CFAP77: variants seen among roughly 807,000 people sequenced by gnomAD.
CFAP77 encodes the protein cilia- and flagella-associated protein 77.
Under a neutral mutation model 31.1 loss-of-function variants are expected in CFAP77, and 25 were observed. That is an observed-to-expected ratio of 0.80 (90% CI 0.59 to 1.12). CFAP77 has a LOEUF of 1.12. CFAP77 is among the 50% of genes most tolerant of loss of function. The pLI is 0.00. For synonymous variants in CFAP77, 151 were observed against 159.9 expected (o/e 0.94, Z 0.42); for missense variants, 377 against 397.3 (o/e 0.95, Z 0.44).
rs927610859 is a variant in CFAP77, at chr9:132,545,819, G to A, written c.732+2772G>A. Among the ~76,000 whole-genome samples the A allele has an allele frequency of 1.3e-5, 2 of 152,200 alleles. No homozygotes were observed. Among genetic ancestry groups the A allele is most frequent in the Non-Finnish European group, 2.9e-5 (2 of 68,030 alleles). ...AAACTGAGGCTTGGAGAGGTGAGAA[G>A]TGGAGTCTGGGTCCAATCTGGGGTT... On this transcript the variant is annotated intron_variant, in intron 5 of 5. Coordinates refer to ENST00000393216, the MANE Select transcript of CFAP77 (RefSeq NM_001282957.2). This position sits in a 1 kb window ranked among gnomAD's most constrained non-coding sequence, Gnocchi z 4.6.
chr9:132,535,862 T>A (rs191803447), intron 3 of CFAP77, among the ~76,000 whole-genome samples: 1 of 152,280 alleles, frequency 6.6e-6, no homozygotes, highest in East Asian at 1.9e-4. Flanking sequence ...AATTTTTTCA[T>A]AATTAGCAAA....
chr9:132,551,861 G>A (rs1270159818), intron 5 of CFAP77, among the ~76,000 whole-genome samples: 1 of 152,194 alleles, frequency 6.6e-6, no homozygotes, highest in Non-Finnish European at 1.5e-5. Context: ...GCTAAATGCG[G>A]GCCCGGGAAG....
chr9:132,510,070 C>T (rs1020559382), intron 3 of CFAP77, among the ~76,000 whole-genome samples: 1 of 152,176 alleles, frequency 6.6e-6, no homozygotes, highest in Non-Finnish European at 1.5e-5. Context: ...TCGCGGCATC[C>T]CAAGCAGGGA....
chr9:132,482,356 C>A (rs765079710), intron 1 of CFAP77: 2 of 1,614,008 alleles, frequency 1.2e-6, no homozygotes. Flanking sequence ...GTTTATGACT[C>A]CTCAGCGGTG....
chr9:132,478,067 G>A (rs1458931474), intron 1 of CFAP77, among the ~76,000 whole-genome samples: 2 of 152,078 alleles, frequency 1.3e-5, no homozygotes, highest in East Asian at 3.8e-4. Context: ...AGGTGATATG[G>A]TTTGGCTCTG....
intron 1 of CFAP77, among the ~76,000 whole-genome samples, chr9:132,434,003 G>A (rs988505891): frequency 4.0e-5 from 6 of 151,298 alleles, no homozygotes. Context: ...GCTGGGCATG[G>A]TGGCATGTGC....
chr9:132,435,512 T>C (rs1850490230), intron 1 of CFAP77, among the ~76,000 whole-genome samples: 1 of 151,878 alleles, frequency 6.6e-6, no homozygotes, highest in Admixed American at 6.6e-5. Context: ...TAAATAAAAG[T>C]GAAGGAATCT....
Position 132,499,640 on chromosome 9 carries a change from G to A in CFAP77, c.524+40G>A, listed in dbSNP as rs202047379. The A allele has an allele frequency of 4.4e-6, 7 of 1,583,366 alleles. No homozygotes were observed. In the East Asian group the frequency reaches 6.7e-5, roughly 15 times the overall value. On this transcript the variant is annotated intron_variant, in intron 3 of 5. Coordinates refer to ENST00000393216, the MANE Select transcript of CFAP77 (RefSeq NM_001282957.2). This position sits in a 1 kb window ranked among gnomAD's most constrained non-coding sequence, Gnocchi z 5.4. ...AGCCAGGGCTTCATCCCTTGAGGGG[G>A]TGGAGGTACCAGCTCAATCAGGGAC...
chr9:132,560,180 T>C (rs1852970669), intron 5 of CFAP77, among the ~76,000 whole-genome samples: 1 of 152,202 alleles, frequency 6.6e-6, no homozygotes, highest in African/African-American at 2.4e-5. Context: ...ATAAAGCTGT[T>C]TTTAAAAAGA....
chr9:132,460,726 A>G (rs1236419323), intron 1 of CFAP77, among the ~76,000 whole-genome samples: 5 of 152,078 alleles, frequency 3.3e-5, no homozygotes, highest in African/African-American at 1.2e-4. Context: ...AATCTACTCA[A>G]TACCACTGGA....
chr9:132,563,596 A>G (rs1292858706), intron 5 of CFAP77, among the ~76,000 whole-genome samples: 1 of 152,198 alleles, frequency 6.6e-6, no homozygotes, highest in Non-Finnish European at 1.5e-5. Context: ...TTCCTCATGC[A>G]CATCTCTTAG....
Position 132,497,445 on chromosome 9 carries a change from C to CGCCTGTGGCCTGTG in CFAP77, c.196-1234_196-1221dup, listed in dbSNP as rs540192360. On this transcript the variant is annotated intron_variant, in intron 1 of 5. Transcript: ENST00000393216. This position sits in a 1 kb window ranked among gnomAD's most constrained non-coding sequence, Gnocchi z 4.9. ...TAACACCCTGTGACTTCGAAACCACCGCCTGTGGCCTGTGGCCTGTGGCCT... is the reference window on the plus strand; with the variant it reads ...TAACACCCTGTGACTTCGAAACCACCGCCTGTGGCCTGTGGCCTGTGGCCTGTGGCCTGTGGCCT... Among the ~76,000 whole-genome samples, 4 of 152,188 alleles carry CGCCTGTGGCCTGTG rather than the reference C, an allele frequency of 2.6e-5. No individual in the cohort carries two copies. Among genetic ancestry groups the CGCCTGTGGCCTGTG allele is most frequent in the African/African-American group, 7.2e-5 (3 of 41,452 alleles).
intron 5 of CFAP77, among the ~76,000 whole-genome samples, chr9:132,543,292 G>T (rs1054696869): frequency 6.6e-6 from 1 of 152,256 alleles, no homozygotes; most frequent in African/African-American, 2.4e-5. Context: ...TTCCAGACAG[G>T]AAACATGGTG....
At chr9:132,452,893 ACT>A (rs754399928) in intron 1 of CFAP77, among the ~76,000 whole-genome samples, 3 of 152,052 alleles carry the variant, frequency 2.0e-5, no homozygotes, top group Non-Finnish European at 4.4e-5. Context: ...AAATTCTTTG[ACT>A]CTAAGAAGGA....
At chr9:132,437,172 C>T (rs1239532134) in intron 1 of CFAP77, among the ~76,000 whole-genome samples, 1 of 152,196 alleles carries the variant, frequency 6.6e-6, no homozygotes, top group Non-Finnish European at 1.5e-5. Context: ...GAGGCCTTCC[C>T]TGATCGCCTT....
intron 1 of CFAP77, among the ~76,000 whole-genome samples, chr9:132,422,144 G>T (rs902739430): frequency 6.6e-6 from 1 of 152,144 alleles, no homozygotes; most frequent in African/African-American, 2.4e-5. Context: ...CAGTATCTGG[G>T]ATTACAGGCT....
chr9:132,440,884 T>C (rs1850604364), intron 1 of CFAP77, among the ~76,000 whole-genome samples: 1 of 152,188 alleles, frequency 6.6e-6, no homozygotes, highest in African/African-American at 2.4e-5. Flanking sequence ...AGACACTTTC[T>C]GGAGTCTGGA....
chr9:132,437,537 TCTCA>T (rs1678735717), intron 1 of CFAP77, among the ~76,000 whole-genome samples: 2 of 125,944 alleles, frequency 1.6e-5, no homozygotes, highest in African/African-American at 3.1e-5. Flanking sequence ...TGAGACGGAC[TCTCA>T]CTCTGTCACC....
At chr9:132,472,911 T>G (rs1851284108) in intron 1 of CFAP77, among the ~76,000 whole-genome samples, 1 of 152,236 alleles carries the variant, frequency 6.6e-6, no homozygotes, top group African/African-American at 2.4e-5. Flanking sequence ...CGTTTTGTGT[T>G]GCTGTAAGTT....
Sources: gnomAD v4.1 joint callset for allele counts (sites outside exome capture counted in the v4.1 genomes callset) on GRCh38, gnomAD v4.1.1 for gene constraint, Gnocchi (gnomAD v3.1) non-coding constraint, MANE v1.5 for transcripts, NCBI Gene and HGNC (gene_info 2026-07-23, HGNC 2026-07-21) for gene names.